Variants in KCNQ2 observed in about 807,000 individuals in gnomAD.
KCNQ2 encodes potassium voltage-gated channel subfamily KQT member 2.
Under a neutral mutation model 84.8 loss-of-function variants are expected in KCNQ2, and 14 were observed. The observed-to-expected ratio is 0.17, with a 90% CI of 0.11 to 0.26. KCNQ2 has a LOEUF of 0.26. Among genes scored for constraint, KCNQ2 ranks in the 10% least tolerant of loss-of-function variants. The pLI is 1.00. For synonymous variants in KCNQ2, 599 were observed against 554.1 expected (o/e 1.08, Z -1.14); for missense variants, 788 against 1,254.0 (o/e 0.63, Z 5.61).
Position 63,401,103 on chromosome 20 carries a change from G to C in KCNQ2, c.*5541C>G. On this transcript the variant is annotated 3_prime_UTR_variant, in exon 17 of 17. Coordinates refer to ENST00000359125, the MANE Select transcript of KCNQ2 (RefSeq NM_172107.4). ...CCTCTCAGGACGGGGCCCCTGGCCAGAGCCAGTCTCCTCGGCCAGCCAGGG... is the reference window on the plus strand; with the variant it reads ...CCTCTCAGGACGGGGCCCCTGGCCACAGCCAGTCTCCTCGGCCAGCCAGGG... 2.6e-6 allele frequency: 1 copy of C among 383,022 alleles called. No homozygotes were observed. The allele number at this position is 383,022 out of a possible 1,614,324, so 23.7% of individuals were successfully genotyped here.
At chr20:63,419,231 C>G (rs1460691146) in intron 12 of KCNQ2, among the ~76,000 whole-genome samples, 1 of 151,788 alleles carries the variant, frequency 6.6e-6, no homozygotes, top group Non-Finnish European at 1.5e-5. Context: ...CTCCCGCGGT[C>G]GAGGCAGCCA....
rs2080001537 is a variant in KCNQ2, at chr20:63,408,025, G to A, written c.1887+388C>T. 6.7e-6 allele frequency: 2 copies of A among 299,064 alleles called. No individual in the cohort carries two copies. The highest frequency in any genetic ancestry group is 4.3e-5 in the African/African-American group (2 of 46,266). 18.5% of individuals were successfully genotyped at this position (299,064 alleles called of 1,614,324 possible). Reference sequence around the variant, plus strand: ...CCCCAAAACAAGGGTCCTCTGCGGTGGTTCCTGAGAATGCACCCCCAGAAG... The same window carrying A: ...CCCCAAAACAAGGGTCCTCTGCGGTAGTTCCTGAGAATGCACCCCCAGAAG... On this transcript the variant is annotated intron_variant, in intron 16 of 16. Coordinates refer to ENST00000359125, the MANE Select transcript of KCNQ2 (RefSeq NM_172107.4). This position sits in a 1 kb window ranked among gnomAD's most constrained non-coding sequence, Gnocchi z 5.0.
chr20:63,444,151 G>A (rs1294070408), intron 4 of KCNQ2, among the ~76,000 whole-genome samples: 2 of 152,260 alleles, frequency 1.3e-5, no homozygotes, highest in Admixed American at 6.5e-5. Flanking sequence ...GCAAGGTGGA[G>A]GGACAGCACA....
chr20:63,422,463 T>TC (rs2080500536), intron 11 of KCNQ2: 1 of 152,412 alleles, frequency 6.6e-6, no homozygotes, highest in South Asian at 2.1e-4. Context: ...ACCACAGGCG[T>TC]CCCAGGAGGA....
intron 1 of KCNQ2, among the ~76,000 whole-genome samples, chr20:63,453,091 C>A (rs1180405519): frequency 1.3e-5 from 2 of 152,164 alleles, no homozygotes; most frequent in African/African-American, 4.8e-5. Context: ...CAAGCCACAG[C>A]CAGGTCCTGC....
intron 10 of KCNQ2, among the ~76,000 whole-genome samples, chr20:63,426,005 C>T (rs1471239666): frequency 6.6e-6 from 1 of 152,216 alleles, no homozygotes; most frequent in Non-Finnish European, 1.5e-5. Flanking sequence ...TCTGGGGACG[C>T]TCCTCGGGGG....
Position 63,406,473 on chromosome 20 carries a change from G to A in KCNQ2, c.*171C>T, listed in dbSNP as rs1031145773. ...CTGTTGGAAAATAACTTTTGTAAAA[G>A]GTCACTGCCAGGAGCCCCCATCCTT... is the stretch of plus-strand genomic sequence containing the variant. On this transcript the variant is annotated 3_prime_UTR_variant, in exon 17 of 17. Coordinates refer to ENST00000359125, the MANE Select transcript of KCNQ2 (RefSeq NM_172107.4). 1.3e-6 allele frequency: 1 copy of A among 783,680 alleles called. No homozygotes were observed. The highest frequency in any genetic ancestry group is 1.7e-5 in the African/African-American group (1 of 57,214). The allele number at this position is 783,680 out of a possible 1,614,324, so 48.5% of individuals were successfully genotyped here.
chr20:63,413,603 T>G (rs1328659116), intron 14 of KCNQ2, 22 bp from the exon 15 acceptor site: 4 of 1,610,008 alleles, frequency 2.5e-6, no homozygotes, highest in Non-Finnish European at 3.4e-6. Context: ...TGGGTGGGGC[T>G]GTGAGCCCTG....
intron 15 of KCNQ2, among the ~76,000 whole-genome samples, chr20:63,409,406 C>T (rs183809500): frequency 2.0e-4 from 31 of 152,362 alleles, no homozygotes; most frequent in Admixed American, 4.6e-4. Flanking sequence ...GGGAGGGAGG[C>T]TCCTTTGCCC....
chr20:63,433,526 T>C, intron 8 of KCNQ2: 1 of 612,910 alleles, frequency 1.6e-6, no homozygotes, highest in East Asian at 2.8e-5. Flanking sequence ...TACCTTGAGC[T>C]CCCTGGGGAG....
At chr20:63,454,604 A>G (rs2081721367) in intron 1 of KCNQ2, among the ~76,000 whole-genome samples, 2 of 152,248 alleles carry the variant, frequency 1.3e-5, no homozygotes, top group Admixed American at 1.3e-4. Context: ...GGGAAGACAC[A>G]GGGGCTTCCA....
At chr20:63,442,959 T>C (rs1356197423) in intron 4 of KCNQ2, among the ~76,000 whole-genome samples, 75 of 22,722 alleles carry the variant, frequency 3.3e-3, no homozygotes, top group African/African-American at 3.6e-3. Flanking sequence ...ATCATCACCA[T>C]CACCACCACC....
At chr20:63,412,773 C>T (rs917637399) in intron 15 of KCNQ2, among the ~76,000 whole-genome samples, 2 of 152,174 alleles carry the variant, frequency 1.3e-5, no homozygotes, top group African/African-American at 4.8e-5. Context: ...GGAGGGGACC[C>T]TGATAGGCAG....
chr20:63,418,670 C>A (rs533201769), intron 12 of KCNQ2, among the ~76,000 whole-genome samples: 19 of 152,332 alleles, frequency 1.2e-4, no homozygotes, highest in African/African-American at 4.3e-4. Context: ...CAGCTGCTAG[C>A]GCCCCAGCAG....
At chr20:63,423,928 G>C in intron 11 of KCNQ2, 1 of 497,186 alleles carries the variant, frequency 2.0e-6, no homozygotes, top group Non-Finnish European at 3.7e-6. Context: ...CCCCCGAGAA[G>C]CCGCCCAGCT....
At chr20:63,421,503 C>T (rs1179447626) in intron 11 of KCNQ2, among the ~76,000 whole-genome samples, 5 of 152,190 alleles carry the variant, frequency 3.3e-5, no homozygotes, top group African/African-American at 1.2e-4. Flanking sequence ...GGCTTCCTTC[C>T]TGCCCCATCA....
chr20:63,411,355 C>A lies in KCNQ2; in HGVS notation c.1763+2095G>T, dbSNP rs531501405. On this transcript the variant is annotated intron_variant, in intron 15 of 16. Transcript: ENST00000359125. ...CCCACAGTGGGCAGGTGCTGAGGGGCAGGTCAGTGCCTGGGGAGGCTGGAG... is the reference window on the plus strand; with the variant it reads ...CCCACAGTGGGCAGGTGCTGAGGGGAAGGTCAGTGCCTGGGGAGGCTGGAG... 3.3e-5 allele frequency among the ~76,000 whole-genome samples: 5 copies of A among 152,330 alleles called. No individual in the cohort carries two copies. The South Asian group carries it at 1.0e-3, about 32-fold the overall frequency.
In KCNQ2 at chr20:63,407,513, G is replaced by A. The variant is rs3746362; in HGVS notation, c.1888-138C>T. The A allele has an allele frequency of 1.2e-6, 1 of 807,920 alleles. No individual in the cohort carries two copies. The highest frequency in any genetic ancestry group is 1.9e-6 in the Non-Finnish European group (1 of 528,926). 50.0% of individuals were successfully genotyped at this position (807,920 alleles called of 1,614,324 possible). The stretch of plus-strand genomic sequence containing the variant: ...ACCCAGGCTAGTCCCAGGAAACGGG[G>A]GACCCAGGCTAGTCCCAGGAGATGT... On this transcript the variant is annotated intron_variant, in intron 16 of 16. Coordinates refer to ENST00000359125, the MANE Select transcript of KCNQ2 (RefSeq NM_172107.4). The surrounding 1 kb of genome is among the most constrained non-coding windows in gnomAD (Gnocchi z 7.2).
chr20:63,427,259 A>C (rs888857663), intron 10 of KCNQ2, among the ~76,000 whole-genome samples: 2 of 152,228 alleles, frequency 1.3e-5, no homozygotes, highest in Non-Finnish European at 2.9e-5. Flanking sequence ...AAGTCATCAG[A>C]ATCATTTAAA....
Sources: gnomAD v4.1 joint callset for allele counts (sites outside exome capture counted in the v4.1 genomes callset) on GRCh38, gnomAD v4.1.1 for gene constraint, Gnocchi (gnomAD v3.1) non-coding constraint, MANE v1.5 for transcripts, NCBI Gene and HGNC (gene_info 2026-07-23, HGNC 2026-07-21) for gene names.